The following C1orf105 variants were observed in gnomAD, a reference collection of about 807,000 sequenced individuals.
C1orf105 encodes the protein uncharacterized protein C1orf105.
A neutral mutation model predicts 20.8 loss-of-function variants in C1orf105; 17 were observed. The ratio of observed to expected loss-of-function variants is 0.82; its 90% CI spans 0.56 to 1.23. The LOEUF is 1.23. Among genes scored for constraint, C1orf105 ranks in the 50% most tolerant of loss-of-function variants. The probability of loss-of-function intolerance (pLI) is 0.00; values close to 1 mark genes in which losing one functional copy is unlikely to be tolerated. For missense variants in C1orf105, 219 were observed against 213.5 expected (o/e 1.03, Z -0.16); for synonymous variants, 72 against 72.1 (o/e 1.00, Z 0.01).
At chr1:172,465,640 A>G in intron 6 of C1orf105, 1 of 575,890 alleles carries the variant, frequency 1.7e-6, no homozygotes, top group East Asian at 3.9e-5. Context: ...AAGACTTTCC[A>G]TGGAGATGGG....
intron 1 of C1orf105, chr1:172,442,694 T>C (rs1168244376): frequency 7.5e-7 from 1 of 1,338,568 alleles, no homozygotes; most frequent in Middle Eastern, 1.9e-4. Context: ...TTGTTCTTTA[T>C]GAAGTTTTGA....
chr1:172,424,390 C>T lies in C1orf105; in HGVS notation c.21+3484C>T, dbSNP rs1405811392. On this transcript the variant is annotated intron_variant, in intron 1 of 6. Coordinates refer to ENST00000367727, the MANE Select transcript of C1orf105 (RefSeq NM_139240.4). ...GCTTTTAGGGGTTATATTCCCTTCT[C>T]TTTTTTATTTTGTTTTTTGAGATGG... is the stretch of plus-strand genomic sequence containing the variant. Among the ~76,000 whole-genome samples the T allele has an allele frequency of 2.6e-5, 4 of 152,138 alleles. No homozygotes were observed. In the East Asian group the frequency reaches 5.8e-4, roughly 22 times the overall value.
chr1:172,452,535 AG>A (rs1335432048), intron 3 of C1orf105, among the ~76,000 whole-genome samples: 4 of 152,248 alleles, frequency 2.6e-5, no homozygotes, highest in Non-Finnish European at 5.9e-5. Flanking sequence ...GGAGCGAAAG[AG>A]AGAAAGAAAG....
intron 1 of C1orf105, chr1:172,444,240 C>T (rs1318015281): frequency 2.0e-6 from 2 of 985,440 alleles, no homozygotes; most frequent in Non-Finnish European, 2.4e-6. Context: ...GGCAAATCCC[C>T]AGCAATCCCC....
intron 6 of C1orf105, among the ~76,000 whole-genome samples, 188 bp from the exon 7 acceptor site, chr1:172,468,261 G>C (rs1341204813): frequency 6.6e-6 from 1 of 152,164 alleles, no homozygotes; most frequent in Non-Finnish European, 1.5e-5. Flanking sequence ...AAATTCTTAG[G>C]TGAGTTTTTT....
chr1:172,457,204 C>T (rs959981651), intron 4 of C1orf105, among the ~76,000 whole-genome samples: 3 of 152,042 alleles, frequency 2.0e-5, no homozygotes, highest in South Asian at 4.1e-4. Context: ...TGGTTGTTAG[C>T]GTCAGGGTAA....
intron 4 of C1orf105, 119 bp downstream of exon 4, chr1:172,456,608 A>C: frequency 1.2e-6 from 1 of 867,284 alleles, no homozygotes; most frequent in Non-Finnish European, 1.8e-6. Context: ...GGCCTAGATA[A>C]AGGCTGCCAA....
At chr1:172,420,952 T>C (rs757602304) in intron 1 of C1orf105, 46 bp downstream of exon 1, 45 of 1,550,158 alleles carry the variant, frequency 2.9e-5, no homozygotes, top group African/African-American at 4.1e-5. Context: ...CTTATGGGGT[T>C]ACCCTGGTAA....
chr1:172,450,644 C>T (rs1438591470), intron 3 of C1orf105, among the ~76,000 whole-genome samples: 3 of 152,224 alleles, frequency 2.0e-5, no homozygotes, highest in Non-Finnish European at 4.4e-5. Context: ...AAAGCTCCTG[C>T]CACCTGGCTG....
At chr1:172,421,217 C>G (rs1183743090) in intron 1 of C1orf105, among the ~76,000 whole-genome samples, 1 of 151,954 alleles carries the variant, frequency 6.6e-6, no homozygotes, top group East Asian at 1.9e-4. Context: ...AAATTGATAC[C>G]AGATTCTTTA....
At chr1:172,436,033 A>G (rs6424912) in intron 1 of C1orf105, among the ~76,000 whole-genome samples, 129,761 of 152,204 alleles carry the variant, frequency 0.85, 55,575 homozygotes, top group East Asian at 1. Context: ...CAACTTACAA[A>G]GGATGTGAAG....
intron 1 of C1orf105, among the ~76,000 whole-genome samples, chr1:172,436,503 A>G (rs2072044801): frequency 1.3e-5 from 2 of 152,224 alleles, no homozygotes; most frequent in Non-Finnish European, 2.9e-5. Flanking sequence ...AGGAATCCTG[A>G]TTTAATAAAT....
chr1:172,430,405 C>G, intron 1 of C1orf105: 1 of 630,038 alleles, frequency 1.6e-6, no homozygotes, highest in Non-Finnish European at 2.9e-6. Flanking sequence ...CTTAATAGAA[C>G]GTTTAATGAA....
intron 3 of C1orf105, among the ~76,000 whole-genome samples, chr1:172,452,065 G>T (rs1648712463): frequency 6.6e-6 from 1 of 151,780 alleles, no homozygotes; most frequent in South Asian, 2.1e-4. Flanking sequence ...TAGAGAGGGG[G>T]TTTCACCATG....
chr1:172,442,658 C>T (rs568400774), intron 1 of C1orf105: 5 of 1,563,236 alleles, frequency 3.2e-6, no homozygotes, highest in Non-Finnish European at 3.5e-6. Context: ...GTTTAATCAT[C>T]GCCCTCACAG....
intron 6 of C1orf105, chr1:172,465,734 A>G: frequency 2.2e-6 from 1 of 460,792 alleles, no homozygotes; most frequent in East Asian, 6.7e-5. Flanking sequence ...CTATACCCTC[A>G]GAGCGGCCTC....
chr1:172,467,386 A>G (rs369922394), intron 6 of C1orf105, among the ~76,000 whole-genome samples: 1 of 152,200 alleles, frequency 6.6e-6, no homozygotes, highest in Non-Finnish European at 1.5e-5. Flanking sequence ...CTTAATGACA[A>G]CTAAGGAAAT....
intron 6 of C1orf105, among the ~76,000 whole-genome samples, chr1:172,466,070 A>C (rs1259504758): frequency 6.6e-6 from 1 of 152,230 alleles, no homozygotes; most frequent in Non-Finnish European, 1.5e-5. Context: ...ACATACAGTA[A>C]AGAAAATCAG....
chr1:172,456,410 C>T lies in C1orf105; in HGVS notation c.199-5C>T. ...TCACCTCTCTCTGTCTCTCTTTCCC[C>T]TCAGGCCAGGAGGAACCAGTGTGAC... On this transcript the variant is annotated splice_polypyrimidine_tract_variant and splice_region_variant and intron_variant, in intron 3 of 6. Transcript: ENST00000367727. 2 of 1,612,172 alleles carry T rather than the reference C, an allele frequency of 1.2e-6. No homozygotes were observed. The highest frequency in any genetic ancestry group is 1.7e-6 in the Non-Finnish European group (2 of 1,179,620).
Sources: gnomAD v4.1 joint callset for allele counts (sites outside exome capture counted in the v4.1 genomes callset) on GRCh38, gnomAD v4.1.1 for gene constraint, MANE v1.5 for transcripts, NCBI Gene and HGNC (gene_info 2026-07-23, HGNC 2026-07-21) for gene names.